AUTS2: variants seen among roughly 807,000 people sequenced by gnomAD.
AUTS2 encodes the protein activator of transcription and developmental regulator AUTS2.
Under a neutral mutation model 112.4 loss-of-function variants are expected in AUTS2, and 17 were observed. The ratio of observed to expected loss-of-function variants is 0.15; its 90% CI spans 0.10 to 0.23. The LOEUF is 0.23. Among genes scored for constraint, AUTS2 ranks in the 10% least tolerant of loss-of-function variants. The probability of loss-of-function intolerance (pLI) is 1.00; values close to 1 mark genes in which losing one functional copy is unlikely to be tolerated. For missense variants in AUTS2, 1,510 were observed against 1,701.6 expected (o/e 0.89, Z 1.98); for synonymous variants, 751 against 702.7 (o/e 1.07, Z -1.09).
At chr7:70,168,363 C>A (rs745956931) in intron 4 of AUTS2, among the ~76,000 whole-genome samples, 28 of 152,210 alleles carry the variant, frequency 1.8e-4, no homozygotes, top group Non-Finnish European at 2.9e-4. Flanking sequence ...GACGCCCAGG[C>A]TGGAATGCAG....
Position 70,695,421 on chromosome 7 carries a change from A to G in AUTS2, c.691-3148A>G, listed in dbSNP as rs543380969. 2.0e-4 allele frequency among the ~76,000 whole-genome samples: 31 copies of G among 152,316 alleles called. No homozygotes were observed. In the East Asian group the frequency reaches 5.4e-3, roughly 27 times the overall value. ...CCCGCTCCTGGGGTCGCGCTTCCCCAGCGCGGAGGTCGGGATCCCGGCCCG... is the reference window on the plus strand; with the variant it reads ...CCCGCTCCTGGGGTCGCGCTTCCCCGGCGCGGAGGTCGGGATCCCGGCCCG... On this transcript the variant is annotated intron_variant, in intron 5 of 18. Transcript: ENST00000342771.
chr7:70,576,869 C>G (rs530051178), intron 5 of AUTS2, among the ~76,000 whole-genome samples: 3 of 152,228 alleles, frequency 2.0e-5, no homozygotes, highest in African/African-American at 4.8e-5. Context: ...CTGTGTTTAC[C>G]AAACAGCTTT....
chr7:69,835,486 A>C (rs1394133744), intron 1 of AUTS2, among the ~76,000 whole-genome samples: 1 of 152,150 alleles, frequency 6.6e-6, no homozygotes, highest in Admixed American at 6.5e-5. Context: ...AGGGAATTTT[A>C]GGTGAGGGAA....
chr7:69,886,370 A>G (rs1584393509), intron 1 of AUTS2, among the ~76,000 whole-genome samples: 1 of 152,252 alleles, frequency 6.6e-6, no homozygotes, highest in Non-Finnish European at 1.5e-5. Context: ...TAATTATTCC[A>G]TAGTTCTCTA....
chr7:70,271,863 A>C (rs1787708438), intron 4 of AUTS2, among the ~76,000 whole-genome samples: 1 of 152,238 alleles, frequency 6.6e-6, no homozygotes, highest in Non-Finnish European at 1.5e-5. Flanking sequence ...TTGTTAAATT[A>C]ATCTTCCATT....
At chr7:70,521,158 G>C (rs530714859) in intron 5 of AUTS2, among the ~76,000 whole-genome samples, 29 of 152,112 alleles carry the variant, frequency 1.9e-4, no homozygotes, top group Non-Finnish European at 4.3e-4. Context: ...TTCCTTGAGT[G>C]GAGAAAAAAG....
intron 5 of AUTS2, among the ~76,000 whole-genome samples, chr7:70,565,762 A>G (rs962126522): frequency 5.3e-5 from 8 of 152,248 alleles, no homozygotes; most frequent in African/African-American, 1.9e-4. Flanking sequence ...GCATTTCCAT[A>G]TACTTGAAAA....
chr7:70,343,397 T>C (rs1294340088), intron 4 of AUTS2, among the ~76,000 whole-genome samples: 1 of 152,214 alleles, frequency 6.6e-6, no homozygotes, highest in East Asian at 1.9e-4. Context: ...CTCAACAGAA[T>C]GCATGTTCAT....
chr7:69,780,706 A>G (rs1203000227), intron 1 of AUTS2, among the ~76,000 whole-genome samples: 1 of 152,238 alleles, frequency 6.6e-6, no homozygotes, highest in Non-Finnish European at 1.5e-5. Context: ...ATAGAAGCAC[A>G]GCAGTAGAAT....
chr7:70,173,977 A>G (rs1029693071), intron 4 of AUTS2, among the ~76,000 whole-genome samples: 2 of 152,184 alleles, frequency 1.3e-5, no homozygotes, highest in African/African-American at 4.8e-5. Flanking sequence ...GAGTGAAAAA[A>G]GAGTCTCATG....
Position 69,916,185 on chromosome 7 carries a change from CTGTT to C in AUTS2, c.522+16692_522+16695del, listed in dbSNP as rs150085884. On this transcript the variant is annotated intron_variant, in intron 2 of 18. Coordinates refer to ENST00000342771, the MANE Select transcript of AUTS2 (RefSeq NM_015570.4). ...AACTGCTTTTTTGTTTGTGGAAATC[CTGTT>C]TGTTAGGAAGTGTTACAAATGGTAG... Among the ~76,000 whole-genome samples the C allele has an allele frequency of 1.2e-4, 18 of 152,220 alleles. No homozygotes were observed. In the East Asian group the frequency reaches 3.3e-3, roughly 28 times the overall value.
At chr7:69,839,681 A>G (rs1791886686) in intron 1 of AUTS2, among the ~76,000 whole-genome samples, 1 of 152,178 alleles carries the variant, frequency 6.6e-6, no homozygotes, top group Non-Finnish European at 1.5e-5. Flanking sequence ...ATAGTAGAGT[A>G]GTAGGAGTGG....
intron 2 of AUTS2, among the ~76,000 whole-genome samples, chr7:69,934,322 C>CACAGG: frequency 6.6e-6 from 1 of 152,252 alleles, no homozygotes; most frequent in Non-Finnish European, 1.5e-5. Context: ...GTGGCATGTT[C>CACAGG]CTGTCACAGC....
At chr7:70,576,193 TGTGA>T (rs987581903) in intron 5 of AUTS2, among the ~76,000 whole-genome samples, 3 of 152,304 alleles carry the variant, frequency 2.0e-5, no homozygotes, top group East Asian at 3.9e-4. Flanking sequence ...TGGGCAGGAC[TGTGA>T]GTGAGCCTCA....
chr7:70,471,359 T>C (rs945208178), intron 5 of AUTS2, among the ~76,000 whole-genome samples: 1 of 152,118 alleles, frequency 6.6e-6, no homozygotes, highest in African/African-American at 2.4e-5. Context: ...GGGGGAAATA[T>C]GGCTCGAATC....
At chr7:70,410,865 T>C (rs1439311534) in intron 4 of AUTS2, among the ~76,000 whole-genome samples, 1 of 149,932 alleles carries the variant, frequency 6.7e-6, no homozygotes, top group African/African-American at 2.4e-5. Context: ...TTATTATTAT[T>C]ATTATTATTA....
At chr7:70,639,894 G>A (rs1330628130) in intron 5 of AUTS2, among the ~76,000 whole-genome samples, 1 of 152,174 alleles carries the variant, frequency 6.6e-6, no homozygotes, top group Non-Finnish European at 1.5e-5. Flanking sequence ...CTACAAGGCT[G>A]AGTTCAGCAC....
intron 1 of AUTS2, among the ~76,000 whole-genome samples, chr7:69,651,017 T>A (rs1795263791): frequency 1.3e-5 from 2 of 152,198 alleles, no homozygotes; most frequent in Admixed American, 6.5e-5. Flanking sequence ...CTGTTAAGTG[T>A]GCTGAAAGGG....
intron 5 of AUTS2, among the ~76,000 whole-genome samples, chr7:70,530,759 C>T (rs1428310350): frequency 6.6e-6 from 1 of 152,096 alleles, no homozygotes; most frequent in Non-Finnish European, 1.5e-5. Flanking sequence ...GGACTGCTGC[C>T]TCGGGTCAGG....
Sources: gnomAD v4.1 joint callset for allele counts (sites outside exome capture counted in the v4.1 genomes callset) on GRCh38, gnomAD v4.1.1 for gene constraint, MANE v1.5 for transcripts, NCBI Gene and HGNC (gene_info 2026-07-23, HGNC 2026-07-21) for gene names.